HVCN1: variants seen among roughly 807,000 people sequenced by gnomAD.
The protein encoded by HVCN1 is voltage-gated hydrogen channel 1.
Under a neutral mutation model 29.2 loss-of-function variants are expected in HVCN1, and 14 were observed. That is an observed-to-expected ratio of 0.48 (90% CI 0.32 to 0.75). The LOEUF (loss-of-function observed/expected upper bound fraction) is 0.75, where lower values mean the gene tolerates loss of function less well. Ranked by LOEUF, HVCN1 falls within the 30% of genes least tolerant of loss-of-function variation. HVCN1 has a pLI of 0.04. For missense variants in HVCN1, 263 were observed against 341.8 expected (o/e 0.77, Z 1.82); for synonymous variants, 131 against 133.2 (o/e 0.98, Z 0.11).
chr12:110,673,203 T>G (rs1288723229), intron 3 of HVCN1, among the ~76,000 whole-genome samples: 1 of 152,098 alleles, frequency 6.6e-6, no homozygotes, highest in Non-Finnish European at 1.5e-5. Flanking sequence ...ATGAGGAACT[T>G]TTTGGCAACT....
At chr12:110,651,073 G>C (rs1474257168) in intron 6 of HVCN1, 144 bp downstream of exon 6, 1 of 627,426 alleles carries the variant, frequency 1.6e-6, no homozygotes, top group Non-Finnish European at 2.8e-6. Flanking sequence ...GAAGGGAGGA[G>C]AGGGAGGTGA....
At chr12:110,701,883 AAACAACAACAACAACAAC>A (rs376581552) in intron 2 of HVCN1, among the ~76,000 whole-genome samples, 5 of 149,686 alleles carry the variant, frequency 3.3e-5, no homozygotes, top group African/African-American at 1.2e-4. Context: ...AACAAGAACA[AAACAACAACAACAACAAC>A]AACAACAACA....
In HVCN1 at chr12:110,649,348, C is replaced by T; in HGVS notation, c.*62G>A. 7.4e-7 allele frequency: 1 copy of T among 1,359,950 alleles called. No individual in the cohort carries two copies. The highest frequency in any genetic ancestry group is 1.0e-6 in the Non-Finnish European group (1 of 958,676). The allele number at this position is 1,359,950 out of a possible 1,614,324, so 84.2% of individuals were successfully genotyped here. On this transcript the variant is annotated 3_prime_UTR_variant, in exon 8 of 8. Transcript: ENST00000242607. ...AAGCGGCCCAGGAGGGGCAGCTGTT[C>T]CTCTCGTGACAGCACAGGCCCATGA...
intron 5 of HVCN1, among the ~76,000 whole-genome samples, chr12:110,654,770 A>G (rs969545356): frequency 2.6e-5 from 4 of 152,116 alleles, no homozygotes; most frequent in African/African-American, 9.7e-5. Context: ...GTGAGCCACC[A>G]TGCCCAACCA....
intron 5 of HVCN1, among the ~76,000 whole-genome samples, chr12:110,654,471 CTTTTTT>C (rs1199046571): frequency 8.9e-6 from 1 of 112,586 alleles, no homozygotes; most frequent in Non-Finnish European, 1.8e-5. Flanking sequence ...GGGGGAAATG[CTTTTTT>C]TTTTTTTTTT....
At chr12:110,685,662 C>G (rs1242866402) in intron 2 of HVCN1, among the ~76,000 whole-genome samples, 4 of 152,026 alleles carry the variant, frequency 2.6e-5, no homozygotes, top group Non-Finnish European at 5.9e-5. Flanking sequence ...CATAAATAAC[C>G]CTGCACACCC....
At position 110,676,240 on chromosome 12, in the gene HVCN1, C is replaced by A. The variant is rs924469944; in HGVS notation, c.21+6985G>T. On this transcript the variant is annotated intron_variant, in intron 3 of 7. Transcript: ENST00000242607. This position sits in a 1 kb window ranked among gnomAD's most constrained non-coding sequence, Gnocchi z 4.1. ...CACCCTCTGCCACTGCCCTGGCCAA[C>A]CCCCTGCCTCACTTGGAGGCTGTCG... Among the ~76,000 whole-genome samples the A allele has an allele frequency of 6.6e-5, 10 of 152,230 alleles. No individual in the cohort carries two copies. Among genetic ancestry groups the A allele is most frequent in the Non-Finnish European group, 1.5e-4 (10 of 68,046 alleles).
At position 110,661,599 on chromosome 12, in the gene HVCN1, C is replaced by T. The variant is rs1010979554; in HGVS notation, c.22-151G>A. 16 of 695,608 alleles carry T rather than the reference C, an allele frequency of 2.3e-5. No homozygotes were observed. In the East Asian group the frequency reaches 3.3e-4, roughly 14 times the overall value. The allele number at this position is 695,608 out of a possible 1,614,324, so 43.1% of individuals were successfully genotyped here. Reference sequence around the variant, plus strand: ...AGACCATGAGGTCACGGTGGTTTCTCGTGCTTTTATTTTTGGAATCCAGGG... The same window carrying T: ...AGACCATGAGGTCACGGTGGTTTCTTGTGCTTTTATTTTTGGAATCCAGGG... On this transcript the variant is annotated intron_variant, in intron 3 of 7. Coordinates refer to ENST00000242607, the MANE Select transcript of HVCN1 (RefSeq NM_032369.4). This position sits in a 1 kb window ranked among gnomAD's most constrained non-coding sequence, Gnocchi z 6.2.
chr12:110,680,704 G>A lies in HVCN1; in HGVS notation c.21+2521C>T, dbSNP rs137919016. On this transcript the variant is annotated intron_variant, in intron 3 of 7. Transcript: ENST00000242607. ...GGCTGAGGCAGGTGGATCACTTGAG[G>A]CCAGGAGTTCGAGACCAGCCTGGCC... Among the ~76,000 whole-genome samples, 767 of 152,170 alleles carry A rather than the reference G, an allele frequency of 5.0e-3. 3 individuals are homozygous for A. The highest frequency in any genetic ancestry group is 8.1e-3 in the Non-Finnish European group (553 of 68,012).
intron 4 of HVCN1, among the ~76,000 whole-genome samples, chr12:110,659,114 T>A (rs1235082556): frequency 6.6e-6 from 1 of 152,200 alleles, no homozygotes; most frequent in Non-Finnish European, 1.5e-5. Context: ...CGCCAGGCGC[T>A]CTGGCATGTC....
intron 2 of HVCN1, among the ~76,000 whole-genome samples, chr12:110,696,846 A>G (rs1593554012): frequency 6.6e-6 from 1 of 152,214 alleles, no homozygotes. Context: ...TGATTAAAAA[A>G]GATAACTCTG....
intron 3 of HVCN1, among the ~76,000 whole-genome samples, chr12:110,681,006 T>G (rs1019804100): frequency 6.6e-6 from 1 of 152,216 alleles, no homozygotes; most frequent in Non-Finnish European, 1.5e-5. Flanking sequence ...GATTCGCACC[T>G]GTTCAGAGGC....
At chr12:110,677,369 T>C (rs916648052) in intron 3 of HVCN1, among the ~76,000 whole-genome samples, 1 of 152,156 alleles carries the variant, frequency 6.6e-6, no homozygotes, top group Non-Finnish European at 1.5e-5. Context: ...CACAGGACCT[T>C]TGCACACGTG....
upstream of HVCN1, among the ~76,000 whole-genome samples, chr12:110,694,351 C>T (rs925339294): frequency 5.9e-5 from 9 of 152,206 alleles, no homozygotes; most frequent in African/African-American, 2.2e-4. This position sits in a 1 kb window ranked among gnomAD's most constrained non-coding sequence, Gnocchi z 4.6. Flanking sequence ...CATGAGCCAC[C>T]GCGCCTGGCC....
At chr12:110,663,304 C>A (rs1013621280) in intron 3 of HVCN1, among the ~76,000 whole-genome samples, 13 of 152,022 alleles carry the variant, frequency 8.6e-5, no homozygotes, top group African/African-American at 3.1e-4. Context: ...ATGTTCACTG[C>A]AAATATTCAC....
chr12:110,658,616 T>A lies in HVCN1; in HGVS notation c.306+2548A>T, dbSNP rs2068063949. On this transcript the variant is annotated intron_variant, in intron 4 of 7. Transcript: ENST00000242607. This position sits in a 1 kb window ranked among gnomAD's most constrained non-coding sequence, Gnocchi z 5.0. ...GCTCAGCATGCAGGTGTCACCTCCT[T>A]CGACTCCAGTCCCTGATCAGGTCCC... 6.6e-6 allele frequency among the ~76,000 whole-genome samples: 1 copy of A among 152,066 alleles called. No individual in the cohort carries two copies. Among genetic ancestry groups the A allele is most frequent in the Non-Finnish European group, 1.5e-5 (1 of 68,012 alleles).
Position 110,648,798 on chromosome 12 carries a change from T to G in HVCN1, c.*612A>C. 3.3e-6 allele frequency: 1 copy of G among 306,218 alleles called. No individual in the cohort carries two copies. Among genetic ancestry groups the G allele is most frequent in the Admixed American group, 5.2e-5 (1 of 19,160 alleles). 19.0% of individuals were successfully genotyped at this position (306,218 alleles called of 1,614,324 possible). On this transcript the variant is annotated 3_prime_UTR_variant, in exon 8 of 8. Coordinates refer to ENST00000242607, the MANE Select transcript of HVCN1 (RefSeq NM_032369.4). ...GGAGGGTCCAGGGAAAAGAGAGAGT[T>G]TATTTTATACAGTAGTTGTTTTATT...
In HVCN1 at chr12:110,687,269, C is replaced by CCA. The variant is rs1290601966; in HGVS notation, c.-20+1355_-20+1356insTG. ...CAAGACAGACCACACCCCCCCCCCC[C>CCA]AGCTAAGCACTGGGAAGCCAGCCAG... On this transcript the variant is annotated intron_variant, in intron 2 of 7. Coordinates refer to ENST00000242607, the MANE Select transcript of HVCN1 (RefSeq NM_032369.4). Among the ~76,000 whole-genome samples the CCA allele has an allele frequency of 2.4e-4, 35 of 148,162 alleles. 1 individual carries two copies. The highest frequency in any genetic ancestry group is 7.7e-4 in the African/African-American group (31 of 40,034).
At chr12:110,697,537 G>A (rs369751149) in intron 2 of HVCN1, among the ~76,000 whole-genome samples, 1 of 152,142 alleles carries the variant, frequency 6.6e-6, no homozygotes, top group African/African-American at 2.4e-5. Context: ...AGAAATGGGA[G>A]GACAGCTGGA....
Sources: allele counts gnomAD v4.1 joint callset (sites outside exome capture counted in the v4.1 genomes callset), GRCh38; gene constraint gnomAD v4.1.1; non-coding constraint Gnocchi (gnomAD v3.1); transcripts MANE v1.5; gene names NCBI Gene and HGNC (gene_info 2026-07-23, HGNC 2026-07-21).